The following PRRC2A variants were observed in gnomAD, a reference collection of about 807,000 sequenced individuals.
PRRC2A encodes the protein protein PRRC2A.
In PRRC2A, 59 loss-of-function variants were observed where a neutral mutation model predicts 224.6. The ratio of observed to expected loss-of-function variants is 0.26; its 90% CI spans 0.21 to 0.33. PRRC2A has a LOEUF of 0.33. Ranked by LOEUF, PRRC2A falls within the 10% of genes least tolerant of loss-of-function variation. The pLI is 1.00. For missense variants in PRRC2A, 3,095 were observed against 2,880.7 expected (o/e 1.07, Z -1.70); for synonymous variants, 1,194 against 1,109.5 (o/e 1.08, Z -1.51).
Position 31,636,876 on chromosome 6 carries a change from A to C in PRRC2A, c.6078A>C (p.Pro2026=), listed in dbSNP as rs754153506. ...CCCCCAGCCTGGCTGTGCGGCCCCC[A>C]CCTGCTCCTGCTACTCGGGTGCTGC... ...LQPPSLAVRP[P]PAPATRVLPS... is the part of the protein sequence containing the mutation. Residue 2026 remains proline, a synonymous_variant, in exon 28 of 31, where the codon CCA becomes CCC. Coordinates refer to ENST00000376033, the MANE Select transcript of PRRC2A (RefSeq NM_004638.4). This position sits in a 1 kb window ranked among gnomAD's most constrained non-coding sequence, Gnocchi z 4.3. 1 of 1,612,648 alleles carries C rather than the reference A, an allele frequency of 6.2e-7. No individual in the cohort carries two copies. Among genetic ancestry groups the C allele is most frequent in the Non-Finnish European group, 8.5e-7 (1 of 1,179,950 alleles).
At position 31,631,601 on chromosome 6, in the gene PRRC2A, C is replaced by G. The variant is rs2150519557; in HGVS notation, c.2928C>G (p.Pro976=). Residue 976 remains proline, a synonymous_variant, in exon 16 of 31, where the codon CCC becomes CCG. Coordinates refer to ENST00000376033, the MANE Select transcript of PRRC2A (RefSeq NM_004638.4). This position sits in a 1 kb window ranked among gnomAD's most constrained non-coding sequence, Gnocchi z 4.5. ...CCCTCGAACAGGGGGATGAAACCCC[C>G]AAACCCCCAAAGCCAGACCCACTCA... is the stretch of plus-strand genomic sequence containing the variant. The part of the protein sequence containing the change: ...PKPLEQGDET[P]KPPKPDPLKI... 6.5e-7 allele frequency: 1 copy of G among 1,546,472 alleles called. No homozygotes were observed. Among genetic ancestry groups the G allele is most frequent in the African/African-American group, 1.4e-5 (1 of 72,176 alleles).
Position 31,637,734 on chromosome 6 carries a change from T to C in PRRC2A, c.*148T>C. The stretch of plus-strand genomic sequence containing the variant: ...CTGGTCCCCTGTCCCTGGGGCTGTT[T>C]GTTAAAAAAGAGTAATAAAAGGATT... On this transcript the variant is annotated 3_prime_UTR_variant, in exon 31 of 31. Coordinates refer to ENST00000376033, the MANE Select transcript of PRRC2A (RefSeq NM_004638.4). 1 of 466,644 alleles carries C rather than the reference T, an allele frequency of 2.1e-6. No homozygotes were observed. Among genetic ancestry groups the C allele is most frequent in the Non-Finnish European group, 3.7e-6 (1 of 271,618 alleles). 28.9% of individuals were successfully genotyped at this position (466,644 alleles called of 1,614,324 possible). A position where few individuals can be genotyped will look rare whatever the true frequency, so the allele number is the denominator to read the frequency against.
chr6:31,635,961 C>G lies in PRRC2A; in HGVS notation c.5542-6C>G, dbSNP rs763156898. 1 of 1,607,270 alleles carries G rather than the reference C, an allele frequency of 6.2e-7. No homozygotes were observed. Among genetic ancestry groups the G allele is most frequent in the African/African-American group, 1.3e-5 (1 of 74,630 alleles). On this transcript the variant is annotated splice_region_variant and splice_polypyrimidine_tract_variant and intron_variant, in intron 24 of 30. Coordinates refer to ENST00000376033, the MANE Select transcript of PRRC2A (RefSeq NM_004638.4). Reference sequence around the variant, plus strand: ...AAGCTGTTTCAACCGTGCTCCTCTCCTGCAGATCTCTGGGGGAGCCATGGA... The same window carrying G: ...AAGCTGTTTCAACCGTGCTCCTCTCGTGCAGATCTCTGGGGGAGCCATGGA...
At chr6:31,633,714 G>C in intron 17 of PRRC2A, 67 bp downstream of exon 17, 1 of 1,546,450 alleles carries the variant, frequency 6.5e-7, no homozygotes, top group African/African-American at 1.4e-5. Context: ...TGGAGGGAGC[G>C]GGTGGAGAAC....
At position 31,625,600 on chromosome 6, in the gene PRRC2A, A is replaced by G; in HGVS notation, c.748A>G (p.Met250Val). Reference sequence around the variant, plus strand: ...CCAGTTCCCTCCCTACCGCGGAATGATGCCGCCTTTCGTGAGTCTTGGTGT... The same window carrying G: ...CCAGTTCCCTCCCTACCGCGGAATGGTGCCGCCTTTCGTGAGTCTTGGTGT... ...PPQFPPYRGM[M>V]PPFMYPPYLP... The change falls in exon 7 of 31, where the codon ATG becomes GTG. Residue 250 changes from methionine to valine, a missense_variant. Met to Val is a conservative substitution (Grantham distance 21). Around this residue, in one of 8 missense-constraint regions of PRRC2A, gnomAD observed 287 missense variants for 275.3 expected, o/e 1.04. Transcript: ENST00000376033. This position sits in a 1 kb window ranked among gnomAD's most constrained non-coding sequence, Gnocchi z 4.1. 4.4e-6 allele frequency: 7 copies of G among 1,576,936 alleles called. No homozygotes were observed. The highest frequency in any genetic ancestry group is 6.0e-6 in the Non-Finnish European group (7 of 1,159,996).
intron 15 of PRRC2A, 144 bp downstream of exon 15, chr6:31,630,945 T>C (rs1776485052): frequency 7.8e-7 from 1 of 1,284,696 alleles, no homozygotes; most frequent in South Asian, 1.5e-5. Flanking sequence ...AATCCCAGCA[T>C]TTTGGGAGGC....
In PRRC2A at chr6:31,636,264, G is replaced by C. The variant is rs759557395; in HGVS notation, c.5680G>C (p.Gly1894Arg). 4.3e-6 allele frequency: 7 copies of C among 1,612,930 alleles called. No homozygotes were observed. The highest frequency in any genetic ancestry group is 5.1e-6 in the Non-Finnish European group (6 of 1,179,968). Reference protein sequence around the residue: ...GPAPPSALLSGLALKGQFLDF... With the variant: ...GPAPPSALLSRLALKGQFLDF... ...AGCCCCTCCCTCAGCACTGCTCTCT[G>C]GGTTAGCTCTCAAGGGCCAGTTTCT... The change falls in exon 26 of 31, where the codon GGG becomes CGG. Residue 1894 changes from glycine (G) to arginine (R), a missense_variant. By Grantham distance (125) the Gly-to-Arg change is moderately radical. This residue lies in a region of PRRC2A where 662 missense variants were observed against 609.5 expected (regional missense o/e 1.09). Coordinates refer to ENST00000376033, the MANE Select transcript of PRRC2A (RefSeq NM_004638.4). The surrounding 1 kb of genome is among the most constrained non-coding windows in gnomAD (Gnocchi z 4.3).
Position 31,633,491 on chromosome 6 carries a change from C to G in PRRC2A, c.4432C>G (p.Gln1478Glu), listed in dbSNP as rs150431146. 8.7e-6 allele frequency: 14 copies of G among 1,613,128 alleles called. No individual in the cohort carries two copies. In the African/African-American group the frequency reaches 1.7e-4, roughly 20 times the overall value. ...CCACAGCAACCCTGCTGGCATCCAA[C>G]AGGCTCTGGCCCAGCTTAGTAGCCG... The part of the protein sequence containing the change: ...VIHSNPAGIQ[Q>E]ALAQLSSRQG... Residue 1478 changes from glutamine to glutamate, a missense_variant, in exon 17 of 31, where the codon CAG becomes GAG. Gln to Glu is a conservative substitution (Grantham distance 29). Coordinates refer to ENST00000376033, the MANE Select transcript of PRRC2A (RefSeq NM_004638.4).
intron 12 of PRRC2A, 45 bp downstream of exon 12, chr6:31,628,284 T>A: frequency 6.4e-7 from 1 of 1,565,700 alleles, no homozygotes; most frequent in Middle Eastern, 1.7e-4. Context: ...GATCACTGCT[T>A]CAAGGTGCTT....
rs1474592736 is a variant in PRRC2A, at chr6:31,631,082, A to C, written c.2466-57A>C. 7.1e-7 allele frequency: 1 copy of C among 1,411,030 alleles called. No homozygotes were observed. Among genetic ancestry groups the C allele is most frequent in the East Asian group, 2.3e-5 (1 of 43,258 alleles). 87.4% of individuals were successfully genotyped at this position (1,411,030 alleles called of 1,614,324 possible). On this transcript the variant is annotated intron_variant, in intron 15 of 30. Transcript: ENST00000376033. The surrounding 1 kb of genome is among the most constrained non-coding windows in gnomAD (Gnocchi z 4.5). Reference sequence around the variant, plus strand: ...CATCATAATAAAGTGTTCTTTTCCCACCTAGTTCTGGTTTTCCTGAGATAC... The same window carrying C: ...CATCATAATAAAGTGTTCTTTTCCCCCCTAGTTCTGGTTTTCCTGAGATAC...
Position 31,627,046 on chromosome 6 carries a change from T to G in PRRC2A, c.1138T>G (p.Ser380Ala). The G allele has an allele frequency of 5.6e-6, 9 of 1,614,074 alleles. No individual in the cohort carries two copies. The highest frequency in any genetic ancestry group is 7.6e-6 in the Non-Finnish European group (9 of 1,180,020). The change falls in exon 11 of 31, where the codon TCC becomes GCC. Residue 380 changes from serine to alanine, a missense_variant. By Grantham distance (99) the Ser-to-Ala change is moderately conservative (BLOSUM62 1). Transcript: ENST00000376033. The surrounding 1 kb of genome is among the most constrained non-coding windows in gnomAD (Gnocchi z 5.6). ...PPEADGKKGN[S>A]PNSEPPTPKT... ...TGAAGCAGATGGCAAAAAGGGCAAC[T>G]CCCCCAACAGCGAACCGCCCACTCC...
Position 31,629,679 on chromosome 6 carries a change from AC to A in PRRC2A, c.2093del (p.Pro698ArgfsTer20). ...GGGCTGTGCCAGCTCCACAGGCTCCACCCCCGCCCCCCAAGGCCCTGTACCC... is the reference window on the plus strand; with the variant it reads ...GGGCTGTGCCAGCTCCACAGGCTCCACCCCGCCCCCCAAGGCCCTGTACCC... ...LGAVPAPQAP[P>X]PPPKALYPGA... On this transcript the variant is annotated frameshift_variant, in exon 14 of 31. Coordinates refer to ENST00000376033, the MANE Select transcript of PRRC2A (RefSeq NM_004638.4). LOFTEE classifies it high-confidence loss of function. 6.4e-7 allele frequency: 1 copy of A among 1,574,562 alleles called. No homozygotes were observed. The highest frequency in any genetic ancestry group is 1.1e-5 in the South Asian group (1 of 89,088).
chr6:31,629,809 C>G lies in PRRC2A; in HGVS notation c.2218C>G (p.Pro740Ala), dbSNP rs1379024118. The G allele has an allele frequency of 3.1e-6, 5 of 1,613,790 alleles. No homozygotes were observed. The highest frequency in any genetic ancestry group is 4.2e-6 in the Non-Finnish European group (5 of 1,179,830). The stretch of plus-strand genomic sequence containing the variant: ...CCCCCGGCTCCTCCAGGGTCGTCCC[C>G]CTCTAGACTTCTACCCTCCTGGTGT... ...VDPRLLQGRP[P>A]LDFYPPGVHP... The change falls in exon 14 of 31, where the codon CCT becomes GCT. Residue 740 changes from proline (P) to alanine (A), a missense_variant. Transcript: ENST00000376033.
chr6:31,621,077 G>C (rs1013962744), intron 1 of PRRC2A, among the ~76,000 whole-genome samples: 10 of 152,202 alleles, frequency 6.6e-5, no homozygotes, highest in African/African-American at 2.4e-4. Flanking sequence ...AGGATCCGTA[G>C]TCTGCCCCTA....
rs754267223 is a variant in PRRC2A at position 31,627,044 on chromosome 6, A to C, written c.1136A>C (p.Asn379Thr). 2 of 1,613,966 alleles carry C rather than the reference A, an allele frequency of 1.2e-6. No homozygotes were observed. The highest frequency in any genetic ancestry group is 3.3e-5 in the Admixed American group (2 of 60,012). The stretch of plus-strand genomic sequence containing the variant: ...CCTGAAGCAGATGGCAAAAAGGGCA[A>C]CTCCCCCAACAGCGAACCGCCCACT... ...RPPEADGKKG[N>T]SPNSEPPTPK... Residue 379 changes from asparagine to threonine, a missense_variant, in exon 11 of 31, where the codon AAC (asparagine) becomes ACC (threonine). Physicochemically the swap from Asn to Thr is moderately conservative, Grantham distance 65. This residue lies in a region of PRRC2A where 2,001 missense variants were observed against 1,764.9 expected (regional missense o/e 1.13). Coordinates refer to ENST00000376033, the MANE Select transcript of PRRC2A (RefSeq NM_004638.4). The surrounding 1 kb of genome is among the most constrained non-coding windows in gnomAD (Gnocchi z 5.6).
rs778214818 is a variant in PRRC2A, at chr6:31,630,808, C to T, written c.2465+7C>T. 1.2e-6 allele frequency: 2 copies of T among 1,613,578 alleles called. No individual in the cohort carries two copies. The highest frequency in any genetic ancestry group is 1.7e-6 in the Non-Finnish European group (2 of 1,179,770). On this transcript the variant is annotated splice_region_variant and intron_variant, in intron 15 of 30. Coordinates refer to ENST00000376033, the MANE Select transcript of PRRC2A (RefSeq NM_004638.4). ...AGGATGACAAGGGGATGAGGTGAGTCTTGGTCATGAGAAATGGGTGAGTTC... is the reference window on the plus strand; with the variant it reads ...AGGATGACAAGGGGATGAGGTGAGTTTTGGTCATGAGAAATGGGTGAGTTC...
At chr6:31,626,326 G>A (rs1775903616) in intron 9 of PRRC2A, among the ~76,000 whole-genome samples, 164 bp downstream of exon 9, 1 of 152,042 alleles carries the variant, frequency 6.6e-6, no homozygotes, top group Non-Finnish European at 1.5e-5. Context: ...TGTTAGGTGA[G>A]AGGATCGCTT....
chr6:31,629,767 A>G lies in PRRC2A; in HGVS notation c.2176A>G (p.Ile726Val). 1 of 1,613,168 alleles carries G rather than the reference A, an allele frequency of 6.2e-7. No individual in the cohort carries two copies. Among genetic ancestry groups the G allele is most frequent in the Non-Finnish European group, 8.5e-7 (1 of 1,179,684 alleles). ...GAACTTTGATCCCCGATGGATGATGATTCCTCCTTATGTGGACCCCCGGCT... is the reference window on the plus strand; with the variant it reads ...GAACTTTGATCCCCGATGGATGATGGTTCCTCCTTATGTGGACCCCCGGCT... ...PMNFDPRWMM[I>V]PPYVDPRLLQ... Residue 726 changes from isoleucine (I) to valine (V), a missense_variant, in exon 14 of 31, where the codon ATT (isoleucine) becomes GTT (valine). Transcript: ENST00000376033.
intron 14 of PRRC2A, 94 bp from the exon 15 acceptor site, chr6:31,630,497 G>A: frequency 7.8e-7 from 1 of 1,274,368 alleles, no homozygotes; most frequent in Non-Finnish European, 1.1e-6. Flanking sequence ...ACAAGAGATG[G>A]AAGAGCTGAC....
Sources: gnomAD v4.1 joint callset for allele counts (sites outside exome capture counted in the v4.1 genomes callset) on GRCh38, gnomAD v4.1.1 for gene constraint, gnomAD v4.1.1 regional missense constraint, Gnocchi (gnomAD v3.1) non-coding constraint, MANE v1.5 for transcripts, NCBI Gene and HGNC (gene_info 2026-07-23, HGNC 2026-07-21) for gene names.